The following IGF1 variants were observed in gnomAD, a reference collection of about 807,000 sequenced individuals.
IGF1 encodes insulin like growth factor 1.
In IGF1, 4 loss-of-function variants were observed where a neutral mutation model predicts 13.8. The ratio of observed to expected loss-of-function variants is 0.29; its 90% CI spans 0.14 to 0.66. The LOEUF (loss-of-function observed/expected upper bound fraction) is 0.66. Among genes scored for constraint, IGF1 ranks in the 30% least tolerant of loss-of-function variants. The probability of loss-of-function intolerance (pLI) is 0.78; values close to 1 mark genes in which losing one functional copy is unlikely to be tolerated. For missense variants in IGF1, 124 were observed against 188.5 expected, an observed-to-expected ratio of 0.66 and a Z score of 2.00; for synonymous variants, 76 against 72.6, an observed-to-expected ratio of 1.05 and a Z score of -0.23.
At chr12:102,478,538 T>C (rs1176618598) in intron 1 of IGF1, 6 of 1,609,902 alleles carry the variant, frequency 3.7e-6, no homozygotes, top group Non-Finnish European at 5.1e-6. Flanking sequence ...CAGGTCAGGG[T>C]GGGTATTATG....
intron 3 of IGF1, among the ~76,000 whole-genome samples, chr12:102,410,574 G>A (rs1410546964): frequency 6.6e-6 from 1 of 152,174 alleles, no homozygotes; most frequent in African/African-American, 2.4e-5. Flanking sequence ...TGTTTCATCT[G>A]ACATACAATT....
chr12:102,422,378 T>C (rs1267785686), intron 2 of IGF1, among the ~76,000 whole-genome samples: 2 of 152,222 alleles, frequency 1.3e-5, no homozygotes, highest in East Asian at 3.9e-4. Context: ...TGTACGTCAT[T>C]GGGAATATAT....
chr12:102,448,438 A>G (rs1287961514), intron 2 of IGF1, among the ~76,000 whole-genome samples: 4 of 147,218 alleles, frequency 2.7e-5, no homozygotes, highest in African/African-American at 1.0e-4. Flanking sequence ...CTATCGCAAG[A>G]ACAAAAAACC....
chr12:102,467,774 A>G (rs906917269), intron 2 of IGF1, among the ~76,000 whole-genome samples: 15 of 152,224 alleles, frequency 9.9e-5, no homozygotes, highest in African/African-American at 3.1e-4. Flanking sequence ...TGACACAGAC[A>G]TGGCTAATTG....
At chr12:102,407,665 A>G (rs963142432) in intron 3 of IGF1, among the ~76,000 whole-genome samples, 1 of 152,196 alleles carries the variant, frequency 6.6e-6, no homozygotes, top group African/African-American at 2.4e-5. Context: ...ACTTTCCAAT[A>G]GCAATAGTTG....
chr12:102,452,133 G>T (rs566088355), intron 2 of IGF1, among the ~76,000 whole-genome samples: 4 of 151,460 alleles, frequency 2.6e-5, no homozygotes, highest in African/African-American at 7.3e-5. Flanking sequence ...GTGGTAGCGG[G>T]CGCCTGTAGT....
chr12:102,423,653 A>T (rs1455615789), intron 2 of IGF1, among the ~76,000 whole-genome samples: 1 of 152,204 alleles, frequency 6.6e-6, no homozygotes, highest in Non-Finnish European at 1.5e-5. Context: ...GGCTTCTATA[A>T]TAACAGCACT....
rs1423908626 is a variant in IGF1 at position 102,404,758 on chromosome 12, T to A, written c.403-2192A>T. On this transcript the variant is annotated intron_variant, in intron 3 of 3. Coordinates refer to ENST00000337514, the MANE Select transcript of IGF1 (RefSeq NM_000618.5). ...CAGTAAACTTGTGTTTTGTTTTTTT[T>A]TGTTGTTTTTTTTTTTTGAGATGGA... is the stretch of plus-strand genomic sequence containing the variant. Among the ~76,000 whole-genome samples the A allele has an allele frequency of 1.4e-4, 4 of 29,514 alleles. No homozygotes were observed. In the South Asian group the frequency reaches 3.9e-3, roughly 29 times the overall value. 19.4% of individuals were successfully genotyped at this position (29,514 alleles called of 152,430 possible). A position where few individuals can be genotyped will look rare whatever the true frequency, so the allele number is the denominator to read the frequency against.
intron 1 of IGF1, 28 bp from the exon 2 acceptor site, chr12:102,475,827 G>A (rs2137276574): frequency 6.3e-7 from 1 of 1,599,526 alleles, no homozygotes; most frequent in South Asian, 1.1e-5. Context: ...GGAGGGTCAG[G>A]TTTCCTCCTT....
chr12:102,457,341 C>G lies in IGF1; in HGVS notation c.220+18302G>C, dbSNP rs540824952. ...TATCTGCATCAAATCCTATCTGGAC[C>G]GGGGGATACAGAGGATAAGATGGGA... On this transcript the variant is annotated intron_variant, in intron 2 of 3. Transcript: ENST00000337514. Among the ~76,000 whole-genome samples the G allele has an allele frequency of 9.9e-5, 15 of 152,226 alleles. No homozygotes were observed. The South Asian group carries it at 2.9e-3, about 30-fold the overall frequency.
intron 2 of IGF1, among the ~76,000 whole-genome samples, chr12:102,421,031 T>C (rs1466951953): frequency 6.6e-6 from 1 of 152,232 alleles, no homozygotes; most frequent in Non-Finnish European, 1.5e-5. Context: ...CCCATGGTAA[T>C]GGCCTGCTAC....
rs6212 is a variant in IGF1 at position 102,400,783 on chromosome 12, G to A, written c.*1724C>T. On this transcript the variant is annotated 3_prime_UTR_variant, in exon 4 of 4. Coordinates refer to ENST00000337514, the MANE Select transcript of IGF1 (RefSeq NM_000618.5). ...TAACTGCATAGAAGAGTCAGTGAGT[G>A]CTAACAAAGAGTAATTAATTCCCCT... 5.3e-5 allele frequency: 8 copies of A among 152,052 alleles called. No individual in the cohort carries two copies. Among genetic ancestry groups the A allele is most frequent in the Admixed American group, 1.3e-4 (2 of 15,258 alleles). The allele number at this position is 152,052 out of a possible 1,614,324, so 9.4% of individuals were successfully genotyped here.
chr12:102,421,455 G>A (rs779788519), intron 2 of IGF1, among the ~76,000 whole-genome samples: 10 of 152,058 alleles, frequency 6.6e-5, no homozygotes, highest in African/African-American at 1.7e-4. Flanking sequence ...GGACTTCTAC[G>A]TACTTTTTGC....
At chr12:102,479,541 G>A (rs1055191449) in intron 1 of IGF1, among the ~76,000 whole-genome samples, 3 of 152,210 alleles carry the variant, frequency 2.0e-5, no homozygotes, top group Admixed American at 2.0e-4. Flanking sequence ...TCACGACACT[G>A]AATATAAAAT....
In IGF1 at chr12:102,480,395, C is replaced by T. The variant is rs1330058731; in HGVS notation, c.-14G>A. 5 of 1,613,164 alleles carry T rather than the reference C, an allele frequency of 3.1e-6. 1 individual carries two copies. The South Asian group carries it at 5.5e-5, about 18-fold the overall frequency. On this transcript the variant is annotated 5_prime_UTR_variant, in exon 1 of 4. Transcript: ENST00000337514. Reference sequence around the variant, plus strand: ...GATTTTTCCCATTGCTTCTGAAGTACAAAGTCTGAAAATGAATTGGTTAGC... The same window carrying T: ...GATTTTTCCCATTGCTTCTGAAGTATAAAGTCTGAAAATGAATTGGTTAGC...
chr12:102,461,623 C>T (rs1168738526), intron 2 of IGF1, among the ~76,000 whole-genome samples: 1 of 152,056 alleles, frequency 6.6e-6, no homozygotes, highest in East Asian at 1.9e-4. Flanking sequence ...GAAAAAGAAA[C>T]TGGCAAGATC....
chr12:102,414,712 C>G (rs1441114710), intron 3 of IGF1, among the ~76,000 whole-genome samples: 1 of 152,206 alleles, frequency 6.6e-6, no homozygotes, highest in Non-Finnish European at 1.5e-5. Flanking sequence ...GCATGAGCCA[C>G]TGTGCCCAGC....
chr12:102,438,453 A>G (rs73180982), intron 2 of IGF1, among the ~76,000 whole-genome samples: 2,621 of 152,322 alleles, frequency 0.017, 31 homozygotes, highest in Non-Finnish European at 0.025. Flanking sequence ...GCAGAGTCTT[A>G]AAGTTCACCA....
rs201878788 is a variant in IGF1 at position 102,402,227 on chromosome 12, G to GATAT, written c.*276_*279dup. 3.5e-5 allele frequency: 7 copies of GATAT among 199,814 alleles called. No individual in the cohort carries two copies. The highest frequency in any genetic ancestry group is 1.0e-4 in the South Asian group (1 of 9,660). 12.4% of individuals were successfully genotyped at this position (199,814 alleles called of 1,614,324 possible). ...GTGGCTCTTGAGAGGCAGGGACTAA[G>GATAT]ATATATATATATATATATTTTTTTT... On this transcript the variant is annotated 3_prime_UTR_variant, in exon 4 of 4. Coordinates refer to ENST00000337514, the MANE Select transcript of IGF1 (RefSeq NM_000618.5).
Sources: gnomAD v4.1 joint callset for allele counts (sites outside exome capture counted in the v4.1 genomes callset) on GRCh38, gnomAD v4.1.1 for gene constraint, MANE v1.5 for transcripts, NCBI Gene and HGNC (gene_info 2026-07-23, HGNC 2026-07-21) for gene names.